Variants in UBQLNL observed in about 807,000 individuals in gnomAD.
UBQLNL encodes ubiquilin-like protein.
For synonymous variants in UBQLNL, 223 were observed against 209.7 expected (o/e 1.06, Z -0.55); for missense variants, 589 against 567.1 (o/e 1.04, Z -0.39).
Position 5,516,261 on chromosome 11 carries a change from C to A in UBQLNL, c.181G>T (p.Ala61Ser), listed in dbSNP as rs1432975330. 1 of 1,614,006 alleles carries A rather than the reference C, an allele frequency of 6.2e-7. No homozygotes were observed. The highest frequency in any genetic ancestry group is 8.5e-7 in the Non-Finnish European group (1 of 1,180,038). The change falls in exon 1 of 1, where the codon GCT becomes TCT. Residue 61 changes from alanine (A) to serine (S), a missense_variant. Physicochemically the swap from Ala to Ser is moderately conservative, Grantham distance 99. Coordinates refer to ENST00000380184, the MANE Select transcript of UBQLNL (RefSeq NM_145053.5). Reference sequence around the variant, plus strand: ...TGGTCCATCTGGCATTGGAAGTGAGCCAATAGCATCTCCTTGAACTGCCTT... The same window carrying A: ...TGGTCCATCTGGCATTGGAAGTGAGACAATAGCATCTCCTTGAACTGCCTT... ...SVRQFKEMLL[A>S]HFQCQMDQLV...
Position 5,514,879 on chromosome 11 carries a change from T to A in UBQLNL, c.*135A>T, listed in dbSNP as rs1846506949. ...GAACAGGGCACTGTGTCAGGATAGC[T>A]GCAGCTGGGGGCAGGAAGCCAACCC... On this transcript the variant is annotated 3_prime_UTR_variant, in exon 1 of 1. Transcript: ENST00000380184. 1.3e-6 allele frequency: 1 copy of A among 795,556 alleles called. No individual in the cohort carries two copies. The highest frequency in any genetic ancestry group is 2.0e-6 in the Non-Finnish European group (1 of 492,138). 49.3% of individuals were successfully genotyped at this position (795,556 alleles called of 1,614,324 possible). A position where few individuals can be genotyped will look rare whatever the true frequency, so the allele number is the denominator to read the frequency against.
At position 5,515,338 on chromosome 11, in the gene UBQLNL, C is replaced by T. The variant is rs778731351; in HGVS notation, c.1104G>A (p.Gln368=). Residue 368 remains glutamine, a synonymous_variant, in exon 1 of 1, where the codon CAG becomes CAA. Transcript: ENST00000380184. ...ANTAMISTKG[Q]SHICATRQPA... ...GCTGCCGAGTGGCACAGATATGGCT[C>T]TGGCCCTTGGTGGAAATCATAGCAG... is the stretch of plus-strand genomic sequence containing the variant. 1 of 1,614,220 alleles carries T rather than the reference C, an allele frequency of 6.2e-7. No homozygotes were observed. Among genetic ancestry groups the T allele is most frequent in the Non-Finnish European group, 8.5e-7 (1 of 1,180,032 alleles).
Position 5,515,272 on chromosome 11 carries a change from C to G in UBQLNL, c.1170G>C (p.Gln390His). 6.2e-7 allele frequency: 1 copy of G among 1,614,206 alleles called. No individual in the cohort carries two copies. The highest frequency in any genetic ancestry group is 8.5e-7 in the Non-Finnish European group (1 of 1,180,040). Residue 390 changes from glutamine (Q) to histidine (H), a missense_variant, in exon 1 of 1, where the codon CAG becomes CAC. Gln to His is a conservative substitution (Grantham distance 24, BLOSUM62 0). Coordinates refer to ENST00000380184, the MANE Select transcript of UBQLNL (RefSeq NM_145053.5). ...IPALPSIELT[Q>H]QLQEEYKDAT... ...CATCCTTGTATTCTTCTTGAAGCTG[C>G]TGGGTAAGCTCTATGCTAGGTAAGG...
rs749702990 is a variant in UBQLNL, at chr11:5,514,968, A to T, written c.*46T>A. 13 of 1,563,010 alleles carry T rather than the reference A, an allele frequency of 8.3e-6. No individual in the cohort carries two copies. In the Admixed American group the frequency reaches 2.2e-4, roughly 27 times the overall value. The stretch of plus-strand genomic sequence containing the variant: ...AGGAGCCTCTGTGGCCAGCAGCTGG[A>T]GGGCCTGCTCAATCTGCAATATTGC... On this transcript the variant is annotated 3_prime_UTR_variant, in exon 1 of 1. Transcript: ENST00000380184.
Position 5,515,844 on chromosome 11 carries a change from C to A in UBQLNL, c.598G>T (p.Asp200Tyr). 1.2e-6 allele frequency: 2 copies of A among 1,614,094 alleles called. No homozygotes were observed. Among genetic ancestry groups the A allele is most frequent in the Non-Finnish European group, 1.7e-6 (2 of 1,180,028 alleles). ...TTCTGCTGCATCAATTGTTGCGTGT[C>A]TAGATGTTCTGAAATGAACTGCCAC... is the stretch of plus-strand genomic sequence containing the variant. ...FMWQFISEHL[D>Y]TQQLMQQNPE... The change falls in exon 1 of 1, where the codon GAC (aspartate) becomes TAC (tyrosine). Residue 200 changes from aspartate to tyrosine, a missense_variant. Coordinates refer to ENST00000380184, the MANE Select transcript of UBQLNL (RefSeq NM_145053.5).
chr11:5,515,151 G>A lies in UBQLNL; in HGVS notation c.1261C>T (p.Gln421Ter). 1.2e-6 allele frequency: 2 copies of A among 1,614,224 alleles called. No homozygotes were observed. The highest frequency in any genetic ancestry group is 2.2e-5 in the East Asian group (1 of 44,890). The stretch of plus-strand genomic sequence containing the variant: ...AGGTAGGGGTTGTTCATAAGCAACT[G>A]CATCATGCCTCCTGTGATCTGGGAG... The change falls in exon 2 of 2, where the codon CAG becomes TAG. Residue 421 changes from glutamine (Q) to a stop codon, truncating the protein, a stop_gained. Coordinates refer to the UBQLNL transcript ENST00000673910. LOFTEE classifies it low-confidence loss of function (END_TRUNC).
At position 5,515,035 on chromosome 11, in the gene UBQLNL, A is replaced by G; in HGVS notation, c.1407T>C (p.Ile469=). 4.3e-6 allele frequency: 7 copies of G among 1,613,956 alleles called. No individual in the cohort carries two copies. Among genetic ancestry groups the G allele is most frequent in the Non-Finnish European group, 5.9e-6 (7 of 1,179,978 alleles). Residue 469 remains isoleucine, a synonymous_variant, in exon 1 of 1, where the codon ATT becomes ATC. Coordinates refer to ENST00000380184, the MANE Select transcript of UBQLNL (RefSeq NM_145053.5). ...QLPTFLQQTQ[I]SDLLSA is the part of the protein sequence containing the mutation. ...TTGCCTAAGCACTAAGCAGATCAGA[A>G]ATCTGTGTCTGCTGCAGGAATGTGG... is the stretch of plus-strand genomic sequence containing the variant.
rs749638525 is a variant in UBQLNL, at chr11:5,516,331, A to T, written c.111T>A (p.Thr37=). 1.7e-5 allele frequency: 28 copies of T among 1,613,988 alleles called. No individual in the cohort carries two copies. Among genetic ancestry groups the T allele is most frequent in the Non-Finnish European group, 2.2e-5 (26 of 1,180,002 alleles). ...SSSATRVIVK[T]AGNQKDFMVA... ...CCATAAAGTCTTTCTGGTTGCCTGC[A>T]GTCTTCACTATCACTCGAGTGGCAC... is the stretch of plus-strand genomic sequence containing the variant. Residue 37 remains threonine (T), a synonymous_variant, in exon 1 of 1, where the codon ACT becomes ACA. Transcript: ENST00000380184.
rs757859792 is a variant in UBQLNL, at chr11:5,515,889, G to A, written c.553C>T (p.Leu185=). 6.2e-7 allele frequency: 1 copy of A among 1,614,142 alleles called. No homozygotes were observed. The highest frequency in any genetic ancestry group is 1.7e-5 in the Admixed American group (1 of 60,034). ...MLENPSIQRL[L]SNMEFMWQFI... ...TGCCACATGAACTCCATGTTGGACA[G>A]AAGCCGCTGGATGCTAGGATTCTCC... The change falls in exon 1 of 1, where the codon CTG becomes TTG. Residue 185 remains leucine, a synonymous_variant. Transcript: ENST00000380184.
In UBQLNL at chr11:5,515,356, C is replaced by G; in HGVS notation, c.1086G>C (p.Met362Ile). ...VNHTSKANTA[M>I]ISTKGQSHIC... ...TATGGCTCTGGCCCTTGGTGGAAATCATAGCAGTGTTGGCTTTGGAAGTGT... is the reference window on the plus strand; with the variant it reads ...TATGGCTCTGGCCCTTGGTGGAAATGATAGCAGTGTTGGCTTTGGAAGTGT... The change falls in exon 1 of 1, where the codon ATG becomes ATC. Residue 362 changes from methionine to isoleucine, a missense_variant. Physicochemically the swap from Met to Ile is conservative, Grantham distance 10. Transcript: ENST00000380184. 1 of 1,614,192 alleles carries G rather than the reference C, an allele frequency of 6.2e-7. No individual in the cohort carries two copies. The highest frequency in any genetic ancestry group is 8.5e-7 in the Non-Finnish European group (1 of 1,180,032).
rs1846522661 is a variant in UBQLNL at position 5,515,668 on chromosome 11, C to CA, written c.743dup (p.Glu251ArgfsTer8). 6.2e-7 allele frequency: 1 copy of CA among 1,614,038 alleles called. No individual in the cohort carries two copies. The highest frequency in any genetic ancestry group is 1.1e-5 in the South Asian group (1 of 91,088). On this transcript the variant is annotated frameshift_variant, in exon 2 of 2. Transcript: ENST00000673910. LOFTEE classifies it low-confidence loss of function (END_TRUNC). ...TCCCACCTGGCATTGTCTCTAAGCC[C>CA]AGATATGGCTGTGGGTTCAGTGGAT...
chr11:5,515,134 G>T lies in UBQLNL; in HGVS notation c.1308C>A (p.Asn436Lys). The change falls in exon 1 of 1, where the codon AAC becomes AAA. Residue 436 changes from asparagine (N) to lysine (K), a missense_variant. By Grantham distance (94) the Asn-to-Lys change is moderately conservative. Transcript: ENST00000380184. ...ACATAATCTGAGCTGCCAGGTAGGG[G>T]TTGTTCATAAGCAACTGCATCATGC... ...TGGMMQLLMN[N>K]PYLAAQIMLF... is the part of the protein sequence containing the mutation. 6.2e-7 allele frequency: 1 copy of T among 1,614,260 alleles called. No individual in the cohort carries two copies. The highest frequency in any genetic ancestry group is 8.5e-7 in the Non-Finnish European group (1 of 1,180,050).
In UBQLNL at chr11:5,515,584, T is replaced by C. The variant is rs774594313; in HGVS notation, c.858A>G (p.Gln286=). The C allele has an allele frequency of 4.3e-6, 7 of 1,614,168 alleles. No individual in the cohort carries two copies. The highest frequency in any genetic ancestry group is 5.9e-6 in the Non-Finnish European group (7 of 1,180,018). Reference sequence around the variant, plus strand: ...TGAAAGGGTTTCCTCCAAAAGGATCTTGCATGCTGTTCAGCATTTGATCAT... The same window carrying C: ...TGAAAGGGTTTCCTCCAAAAGGATCCTGCATGCTGTTCAGCATTTGATCAT... The part of the protein sequence containing the change: ...DINDQMLNSM[Q]DPFGGNPFTA... The change falls in exon 1 of 1, where the codon CAA becomes CAG. Residue 286 remains glutamine (Q), a synonymous_variant. Transcript: ENST00000380184.
At position 5,515,768 on chromosome 11, in the gene UBQLNL, G is replaced by C; in HGVS notation, c.674C>G (p.Thr225Ser). 1 of 1,614,160 alleles carries C rather than the reference G, an allele frequency of 6.2e-7. No individual in the cohort carries two copies. Among genetic ancestry groups the C allele is most frequent in the Non-Finnish European group, 8.5e-7 (1 of 1,180,030 alleles). ...LLDNSEILLQ[T>S]LELARNLAMI... Reference sequence around the variant, plus strand: ...AGCAAGGTTCCTGGCCAGCTCCAGAGTCTGCAATAGGATCTCAGAATTATC... The same window carrying C: ...AGCAAGGTTCCTGGCCAGCTCCAGACTCTGCAATAGGATCTCAGAATTATC... Residue 225 changes from threonine (T) to serine (S), a missense_variant, in exon 1 of 1, where the codon ACT becomes AGT. Thr to Ser is a moderately conservative substitution (Grantham distance 58). Coordinates refer to ENST00000380184, the MANE Select transcript of UBQLNL (RefSeq NM_145053.5).
rs577379163 is a variant in UBQLNL at position 5,515,611 on chromosome 11, G to C, written c.831C>G (p.Ile277Met). Residue 277 changes from isoleucine to methionine, a missense_variant, in exon 1 of 1, where the codon ATC becomes ATG. Physicochemically the swap from Ile to Met is conservative, Grantham distance 10 (BLOSUM62 1). Transcript: ENST00000380184. ...NNALGQNYAD[I>M]NDQMLNSMQD... The stretch of plus-strand genomic sequence containing the variant: ...GCATGCTGTTCAGCATTTGATCATT[G>C]ATATCAGCATAGTTCTGACCCAGGG... 3.0e-5 allele frequency: 48 copies of C among 1,614,114 alleles called. No individual in the cohort carries two copies. The East Asian group carries it at 1.0e-3, about 34-fold the overall frequency.
rs754536037 is a variant in UBQLNL, at chr11:5,515,978, T to C, written c.464A>G (p.Asp155Gly). Residue 155 changes from aspartate to glycine, a missense_variant, in exon 1 of 1, where the codon GAT becomes GGT. By Grantham distance (94) the Asp-to-Gly change is moderately conservative. Transcript: ENST00000380184. ...PVELAHFVGS[D>G]APKVHTQNLE... Reference sequence around the variant, plus strand: ...GTTTTGGGTATGCACTTTGGGTGCATCAGACCCCACAAAGTGGGCCAGTTC... The same window carrying C: ...GTTTTGGGTATGCACTTTGGGTGCACCAGACCCCACAAAGTGGGCCAGTTC... 6.2e-7 allele frequency: 1 copy of C among 1,614,184 alleles called. No individual in the cohort carries two copies. The highest frequency in any genetic ancestry group is 1.1e-5 in the South Asian group (1 of 91,078).
Position 5,516,171 on chromosome 11 carries a change from T to C in UBQLNL, c.271A>G (p.Met91Val), listed in dbSNP as rs755698005. Reference protein sequence around the residue: ...DHDTLSQRGIMDGHTIYLVIK... With the variant: ...DHDTLSQRGIVDGHTIYLVIK... ...ACCAAGTAGATGGTGTGGCCATCCA[T>C]GATGCCCCTCTGGCTCAGTGTGTCA... Residue 91 changes from methionine to valine, a missense_variant, in exon 1 of 1, where the codon ATG becomes GTG. Met to Val is a conservative substitution (Grantham distance 21). Coordinates refer to ENST00000380184, the MANE Select transcript of UBQLNL (RefSeq NM_145053.5). 3.7e-6 allele frequency: 6 copies of C among 1,614,026 alleles called. No homozygotes were observed. Among genetic ancestry groups the C allele is most frequent in the African/African-American group, 2.7e-5 (2 of 74,922 alleles).
At position 5,515,944 on chromosome 11, in the gene UBQLNL, C is replaced by T; in HGVS notation, c.498G>A (p.Val166=). 1 of 1,614,130 alleles carries T rather than the reference C, an allele frequency of 6.2e-7. No individual in the cohort carries two copies. Among genetic ancestry groups the T allele is most frequent in the Non-Finnish European group, 8.5e-7 (1 of 1,180,000 alleles). ...APKVHTQNLE[V]SHPECKAQML... is the part of the protein sequence containing the mutation. ...TCTGTGCTTTGCACTCTGGGTGGCT[C>T]ACTTCCAAGTTTTGGGTATGCACTT... Residue 166 remains valine (V), a synonymous_variant, in exon 1 of 1, where the codon GTG becomes GTA. Transcript: ENST00000380184.
At position 5,515,097 on chromosome 11, in the gene UBQLNL, T is replaced by C; in HGVS notation, c.1345A>G (p.Met449Val). The change falls in exon 1 of 1, where the codon ATG becomes GTG. Residue 449 changes from methionine to valine, a missense_variant. Coordinates refer to ENST00000380184, the MANE Select transcript of UBQLNL (RefSeq NM_145053.5). ...CTCCACTGTTCACTCAGCTGGGGCA[T>C]ACTTGTGAACAACATAATCTGAGCT... ...LAAQIMLFTS[M>V]PQLSEQWRQQ... 1 of 1,614,252 alleles carries C rather than the reference T, an allele frequency of 6.2e-7. No homozygotes were observed. The highest frequency in any genetic ancestry group is 8.5e-7 in the Non-Finnish European group (1 of 1,180,036).
Sources: gnomAD v4.1 joint callset for allele counts on GRCh38, gnomAD v4.1.1 for gene constraint, MANE v1.5 for transcripts, NCBI Gene and HGNC (gene_info 2026-07-23, HGNC 2026-07-21) for gene names.